The following NAT16 variants were observed in gnomAD, a reference collection of about 807,000 sequenced individuals.
NAT16 encodes the protein N-acetyltransferase 16 (putative).
In NAT16, 16 loss-of-function variants were observed where a neutral mutation model predicts 15.9. The ratio of observed to expected loss-of-function variants is 1.01; its 90% confidence interval spans 0.68 to 1.53. The LOEUF is 1.53. Ranked by LOEUF, NAT16 falls within the 40% of genes most tolerant of loss-of-function variation. The probability of loss-of-function intolerance (pLI) is 0.00; values close to 1 mark genes in which losing one functional copy is unlikely to be tolerated. For synonymous variants in NAT16, 260 were observed against 241.9 expected, an observed-to-expected ratio of 1.07 and a Z score of -0.69; for missense variants, 572 against 508.4, an observed-to-expected ratio of 1.13 and a Z score of -1.20.
In NAT16 at chr7:101,172,678, G is replaced by A. The variant is rs753567294; in HGVS notation, c.538-27C>T. The A allele has an allele frequency of 3.5e-5, 51 of 1,448,290 alleles. No homozygotes were observed. The South Asian group carries it at 6.2e-4, about 18-fold the overall frequency. The allele number at this position is 1,448,290 out of a possible 1,614,324, so 89.7% of individuals were successfully genotyped here. On this transcript the variant is annotated intron_variant, in intron 3 of 3. Transcript: ENST00000300303. This position sits in a 1 kb window ranked among gnomAD's most constrained non-coding sequence, Gnocchi z 4.2. ...TGCGGGGGGCACGAGTGAGCGCGGG[G>A]AGGGGGGGCGCAGCAGGGCTGGCGA...
At position 101,179,848 on chromosome 7, in the gene NAT16, C is replaced by A. The variant is rs578066682; in HGVS notation, c.-5+194G>T. Among the ~76,000 whole-genome samples, 27 of 132,078 alleles carry A rather than the reference C, an allele frequency of 2.0e-4. No homozygotes were observed. The South Asian group carries it at 6.0e-3, about 29-fold the overall frequency. 86.6% of individuals were successfully genotyped at this position (132,078 alleles called of 152,430 possible). On this transcript the variant is annotated intron_variant, in intron 1 of 3. Coordinates refer to ENST00000300303, the MANE Select transcript of NAT16 (RefSeq NM_198571.3). ...GGAGCGACATGGCAACAGAGGGGGG[C>A]GGGGGAGCGCTTCTGGACACCTGAA...
rs1797369470 is a variant in NAT16, at chr7:101,172,960, G to C, written c.538-309C>G. ...GGTCTCCAGGGACGTGAAAGCCAGGGAGGCCGATCAGTCAGTAGGATTGGG... is the reference window on the plus strand; with the variant it reads ...GGTCTCCAGGGACGTGAAAGCCAGGCAGGCCGATCAGTCAGTAGGATTGGG... On this transcript the variant is annotated intron_variant, in intron 3 of 3. Transcript: ENST00000300303. The surrounding 1 kb of genome is among the most constrained non-coding windows in gnomAD (Gnocchi z 4.2). Among the ~76,000 whole-genome samples the C allele has an allele frequency of 1.3e-5, 2 of 152,206 alleles. No individual in the cohort carries two copies. Among genetic ancestry groups the C allele is most frequent in the Non-Finnish European group, 2.9e-5 (2 of 68,036 alleles).
At chr7:101,177,121 C>G (rs146884271) in intron 1 of NAT16, among the ~76,000 whole-genome samples, 1 of 152,138 alleles carries the variant, frequency 6.6e-6, no homozygotes, top group Non-Finnish European at 1.5e-5. Flanking sequence ...GGATATGGAG[C>G]CAGAATTATC....
In NAT16 at chr7:101,171,820, A is replaced by G. The variant is rs543537281; in HGVS notation, c.*259T>C. 5.7e-4 allele frequency: 268 copies of G among 470,852 alleles called. No homozygotes were observed. The highest frequency in any genetic ancestry group is 6.5e-4 in the Non-Finnish European group (174 of 267,116). The allele number at this position is 470,852 out of a possible 1,614,324, so 29.2% of individuals were successfully genotyped here. On this transcript the variant is annotated 3_prime_UTR_variant, in exon 4 of 4. Transcript: ENST00000300303. ...ACAGAGGGTGGATAACAGCAGCTCA[A>G]GGCCCCCACCCCCAGCCCCCACCTA... is the stretch of plus-strand genomic sequence containing the variant.
intron 1 of NAT16, among the ~76,000 whole-genome samples, chr7:101,176,608 G>A (rs1022280924): frequency 1.6e-5 from 2 of 127,148 alleles, no homozygotes; most frequent in African/African-American, 6.3e-5. Context: ...TTCCCCATAG[G>A]GAGACTTGGG....
chr7:101,174,528 T>C lies in NAT16; in HGVS notation c.280A>G (p.Thr94Ala). The change falls in exon 2 of 4, where the codon ACG becomes GCG. Residue 94 changes from threonine (T) to alanine (A), a missense_variant. Thr to Ala is a moderately conservative substitution (Grantham distance 58, BLOSUM62 0). Coordinates refer to ENST00000300303, the MANE Select transcript of NAT16 (RefSeq NM_198571.3). ...YHSWLRDPDR[T>A]VVLAKRNGGV... is the part of the protein sequence containing the mutation. The stretch of plus-strand genomic sequence containing the variant: ...CCGTTGCGCTTGGCCAGCACCACCG[T>C]GCGGTCGGGGTCCCGGAGCCAGCTG... The C allele has an allele frequency of 2.5e-6, 4 of 1,613,682 alleles. No individual in the cohort carries two copies. Among genetic ancestry groups the C allele is most frequent in the Non-Finnish European group, 3.4e-6 (4 of 1,179,826 alleles).
At chr7:101,174,303 T>A in intron 2 of NAT16, 193 bp downstream of exon 2, 2 of 683,538 alleles carry the variant, frequency 2.9e-6, no homozygotes, top group Non-Finnish European at 4.7e-6. Context: ...GCTTTAGGAG[T>A]CCTCCACCCC....
rs149965375 is a variant in NAT16 at position 101,172,148 on chromosome 7, G to A, written c.1041C>T (p.Cys347=). Residue 347 remains cysteine (C), a synonymous_variant, in exon 4 of 4, where the codon TGC becomes TGT. Coordinates refer to ENST00000300303, the MANE Select transcript of NAT16 (RefSeq NM_198571.3). The surrounding 1 kb of genome is among the most constrained non-coding windows in gnomAD (Gnocchi z 4.2). ...CCAGCTCCAGTCCCAGCCCGACCTG[G>A]CAGAAGTCAGCCAGCTGTGACCACA... is the stretch of plus-strand genomic sequence containing the variant. ...PQLWSQLADF[C]QVGLGLELVK... The A allele has an allele frequency of 1.7e-5, 27 of 1,613,882 alleles. No individual in the cohort carries two copies. The African/African-American group carries it at 3.3e-4, about 20-fold the overall frequency.
Position 101,172,298 on chromosome 7 carries a change from G to A in NAT16, c.891C>T (p.Leu297=). The A allele has an allele frequency of 6.2e-7, 1 of 1,611,972 alleles. No homozygotes were observed. ...PHGGDGTWRY[L]NIDAFGSDGA... ...CGTCGCTACCGAAGGCGTCGATGTT[G>A]AGATAGCGCCAAGTGCCGTCCCCTC... The change falls in exon 4 of 4, where the codon CTC becomes CTT. Residue 297 remains leucine (L), a synonymous_variant. Transcript: ENST00000300303. This position sits in a 1 kb window ranked among gnomAD's most constrained non-coding sequence, Gnocchi z 4.2.
chr7:101,175,651 G>A (rs1301019584), intron 1 of NAT16, among the ~76,000 whole-genome samples: 2 of 151,894 alleles, frequency 1.3e-5, no homozygotes, highest in Non-Finnish European at 2.9e-5. Flanking sequence ...AAGAAGGCTG[G>A]ACACGGAAAC....
chr7:101,176,770 C>T (rs1380840116), intron 1 of NAT16, among the ~76,000 whole-genome samples: 1 of 152,156 alleles, frequency 6.6e-6, no homozygotes, highest in African/African-American at 2.4e-5. Context: ...CAAATCCCCC[C>T]TCTCTCTTTC....
intron 1 of NAT16, among the ~76,000 whole-genome samples, chr7:101,179,655 C>T (rs1462382110): frequency 2.8e-5 from 4 of 142,356 alleles, no homozygotes; most frequent in Non-Finnish European, 6.1e-5. Context: ...CCCCAGAGGG[C>T]CACAGTAGTG....
chr7:101,171,928 G>A lies in NAT16; in HGVS notation c.*151C>T. The stretch of plus-strand genomic sequence containing the variant: ...AGATAGTAAGGGCAAAAGGGACAGA[G>A]TGGGGGGACCTGCGCCGGTAAGGGC... On this transcript the variant is annotated 3_prime_UTR_variant, in exon 4 of 4. Transcript: ENST00000300303. The A allele has an allele frequency of 3.3e-6, 2 of 614,996 alleles. No homozygotes were observed. The highest frequency in any genetic ancestry group is 2.8e-5 in the East Asian group (1 of 35,368). The allele number at this position is 614,996 out of a possible 1,614,324, so 38.1% of individuals were successfully genotyped here.
At chr7:101,173,573 G>A in intron 2 of NAT16, 53 bp from the exon 3 acceptor site, 1 of 1,449,840 alleles carries the variant, frequency 6.9e-7, no homozygotes, top group South Asian at 1.4e-5. Context: ...CCCCTGCCAG[G>A]GCTGTCGGTT....
At position 101,174,465 on chromosome 7, in the gene NAT16, C is replaced by T. The variant is rs756669182; in HGVS notation, c.312+31G>A. ...CACGCACCCGCAGGTGGCTTCACCC[C>T]ATGTCACCTGGGCCGTGCCCCCGGG... On this transcript the variant is annotated intron_variant, in intron 2 of 3. Coordinates refer to ENST00000300303, the MANE Select transcript of NAT16 (RefSeq NM_198571.3). 5 of 1,575,320 alleles carry T rather than the reference C, an allele frequency of 3.2e-6. No individual in the cohort carries two copies. The South Asian group carries it at 5.7e-5, about 18-fold the overall frequency.
intron 1 of NAT16, among the ~76,000 whole-genome samples, chr7:101,175,524 C>T (rs997354216): frequency 6.6e-6 from 1 of 151,912 alleles, no homozygotes; most frequent in Non-Finnish European, 1.5e-5. Context: ...TTATGGGATG[C>T]TCCCTAACAG....
chr7:101,175,608 C>G (rs1797446408), intron 1 of NAT16, among the ~76,000 whole-genome samples: 1 of 149,868 alleles, frequency 6.7e-6, no homozygotes, highest in Non-Finnish European at 1.5e-5. Context: ...AGAAAAAAGG[C>G]ACTTGGGGGT....
chr7:101,175,647 G>T (rs927550370), intron 1 of NAT16, among the ~76,000 whole-genome samples: 1 of 151,970 alleles, frequency 6.6e-6, no homozygotes, highest in Non-Finnish European at 1.5e-5. Flanking sequence ...GAAGAAGAAG[G>T]CTGGACACGG....
Position 101,171,508 on chromosome 7 carries a change from AC to A in NAT16, c.*570del, listed in dbSNP as rs1797320450. On this transcript the variant is annotated 3_prime_UTR_variant, in exon 4 of 4. Transcript: ENST00000300303. Reference sequence around the variant, plus strand: ...GGCTAGAGAGAAGTGGGGAGAGGGCACTGATCTCTGGCACCAGAAGCTTGAG... The same window carrying A: ...GGCTAGAGAGAAGTGGGGAGAGGGCATGATCTCTGGCACCAGAAGCTTGAG... 1 of 153,250 alleles carries A rather than the reference AC, an allele frequency of 6.5e-6. No individual in the cohort carries two copies. The highest frequency in any genetic ancestry group is 6.5e-5 in the Admixed American group (1 of 15,298). The allele number at this position is 153,250 out of a possible 1,614,324, so 9.5% of individuals were successfully genotyped here.
Sources: gnomAD v4.1 joint callset for allele counts (sites outside exome capture counted in the v4.1 genomes callset) on GRCh38, gnomAD v4.1.1 for gene constraint, Gnocchi (gnomAD v3.1) non-coding constraint, MANE v1.5 for transcripts, NCBI Gene and HGNC (gene_info 2026-07-23, HGNC 2026-07-21) for gene names.